ANKRD22: variants seen among roughly 807,000 people sequenced by gnomAD.
ANKRD22 encodes ankyrin repeat domain 22, also known as ankyrin repeat domain-containing protein 22.
In ANKRD22, 24 loss-of-function variants were observed where a neutral mutation model predicts 25.7. That is an observed-to-expected ratio of 0.93 (90% CI 0.68 to 1.31). ANKRD22 has a LOEUF of 1.31. ANKRD22 is among the 50% of genes most tolerant of loss of function. The pLI is 0.00. For missense variants in ANKRD22, 214 were observed against 227.1 expected, an observed-to-expected ratio of 0.94 and a Z score of 0.37; for synonymous variants, 84 against 84.3, an observed-to-expected ratio of 1.00 and a Z score of 0.02.
chr10:88,819,915 A>G lies in ANKRD22; in HGVS notation c.*3026T>C, dbSNP rs1756775. Among the ~76,000 whole-genome samples the G allele has an allele frequency of 0.098, 14,862 of 152,276 alleles. 820 individuals carry two copies. Among genetic ancestry groups the G allele is most frequent in the Non-Finnish European group, 0.12 (8,288 of 68,004 alleles). The stretch of plus-strand genomic sequence containing the variant: ...GGGGCATTATTTTTAAAAACAATTT[A>G]TTTACAAAATATTTAATAGGAAGAA... On this transcript the variant is annotated 3_prime_UTR_variant, in exon 6 of 6. Transcript: ENST00000371930.
At chr10:88,844,580 A>G (rs1055974552) in intron 1 of ANKRD22, among the ~76,000 whole-genome samples, 4 of 152,096 alleles carry the variant, frequency 2.6e-5, no homozygotes, top group Non-Finnish European at 5.9e-5. Context: ...CTGTTTCTAT[A>G]ACATAAGTAA....
At chr10:88,841,513 C>G (rs1191743214) in intron 1 of ANKRD22, among the ~76,000 whole-genome samples, 1 of 152,162 alleles carries the variant, frequency 6.6e-6, no homozygotes, top group African/African-American at 2.4e-5. Flanking sequence ...CTTTCACAAA[C>G]CAGTTCAAGC....
chr10:88,822,914 G>T lies in ANKRD22; in HGVS notation c.*27C>A. ...TAGAATCCAGTCGTTAACTTTTTCT[G>T]TATCTCCATCGGTGTGGTCACAAGG... On this transcript the variant is annotated 3_prime_UTR_variant, in exon 6 of 6. Transcript: ENST00000371930. 4 of 1,566,314 alleles carry T rather than the reference G, an allele frequency of 2.6e-6. No homozygotes were observed. The highest frequency in any genetic ancestry group is 3.5e-6 in the Non-Finnish European group (4 of 1,140,746).
At chr10:88,848,074 T>C (rs974444896) in intron 1 of ANKRD22, among the ~76,000 whole-genome samples, 2 of 151,588 alleles carry the variant, frequency 1.3e-5, no homozygotes, top group South Asian at 2.1e-4. Flanking sequence ...TTGTTTCATG[T>C]TTGTGCTCAA....
At chr10:88,837,840 C>A (rs2133077410) in intron 1 of ANKRD22, among the ~76,000 whole-genome samples, 1 of 152,340 alleles carries the variant, frequency 6.6e-6, no homozygotes, top group Admixed American at 6.5e-5. Context: ...AGTTCCCCTA[C>A]ACAAGCTCTC....
rs148418336 is a variant in ANKRD22, at chr10:88,826,082, G to A, written c.355C>T (p.Arg119Ter). The A allele has an allele frequency of 7.8e-5, 126 of 1,612,888 alleles. 6 individuals are homozygous for A. In the South Asian group the frequency reaches 9.3e-4, roughly 12 times the overall value. ...TCGACGCCAGCATCAAGTAGCATTC[G>A]TACAAGAGCCTCATTCTGCTTTGTC... ...SKTKQNEALV[R>*]MLLDAGVEVN... The change falls in exon 4 of 6, where the codon CGA becomes TGA. Residue 119 changes from arginine (R) to a stop codon, truncating the protein, a stop_gained. Transcript: ENST00000371930. LOFTEE classifies it high-confidence loss of function.
Position 88,820,231 on chromosome 10 carries a change from G to A in ANKRD22, c.*2710C>T. 6.5e-7 allele frequency: 1 copy of A among 1,547,884 alleles called. No individual in the cohort carries two copies. Among genetic ancestry groups the A allele is most frequent in the Non-Finnish European group, 8.7e-7 (1 of 1,145,684 alleles). On this transcript the variant is annotated 3_prime_UTR_variant, in exon 6 of 6. Transcript: ENST00000371930. Reference sequence around the variant, plus strand: ...AGTTAAGAACTATTCCTTTTCTCTAGCCAACTCCTGTAAGGTACAGAGTCA... The same window carrying A: ...AGTTAAGAACTATTCCTTTTCTCTAACCAACTCCTGTAAGGTACAGAGTCA...
rs1843854214 is a variant in ANKRD22 at position 88,826,125 on chromosome 10, A to G, written c.322-10T>C. 6.3e-7 allele frequency: 1 copy of G among 1,594,150 alleles called. No individual in the cohort carries two copies. The highest frequency in any genetic ancestry group is 8.6e-7 in the Non-Finnish European group (1 of 1,166,364). On this transcript the variant is annotated splice_polypyrimidine_tract_variant and intron_variant, in intron 3 of 5. Coordinates refer to ENST00000371930, the MANE Select transcript of ANKRD22 (RefSeq NM_144590.3). The stretch of plus-strand genomic sequence containing the variant: ...GCTTTGTCTTTGATACCTATTACAA[A>G]TGGTAATTATAAGAAAGGCTTATTT...
At chr10:88,830,805 A>G (rs1345109506) in intron 2 of ANKRD22, among the ~76,000 whole-genome samples, 1 of 152,138 alleles carries the variant, frequency 6.6e-6, no homozygotes, top group Non-Finnish European at 1.5e-5. Context: ...GAGCGCAGGA[A>G]CCCACAGACA....
chr10:88,833,616 G>T lies in ANKRD22; in HGVS notation c.22-1590C>A, dbSNP rs896676935. On this transcript the variant is annotated intron_variant, in intron 1 of 5. Transcript: ENST00000371930. ...CCAAATATCACAATAAGTGAACTATGTTATACTCTTAAACCTAAAGGCCTA... is the reference window on the plus strand; with the variant it reads ...CCAAATATCACAATAAGTGAACTATTTTATACTCTTAAACCTAAAGGCCTA... 3.9e-5 allele frequency among the ~76,000 whole-genome samples: 6 copies of T among 152,246 alleles called. No homozygotes were observed. In the East Asian group the frequency reaches 1.2e-3, roughly 29 times the overall value.
chr10:88,831,890 ACATGC>A lies in ANKRD22; in HGVS notation c.153_157del (p.His52GlufsTer12), dbSNP rs1360897503. The A allele has an allele frequency of 5.6e-6, 9 of 1,612,816 alleles. No individual in the cohort carries two copies. In the African/African-American group the frequency reaches 1.2e-4, roughly 22 times the overall value. On this transcript the variant is annotated frameshift_variant, in exon 2 of 6. Coordinates refer to ENST00000371930, the MANE Select transcript of ANKRD22 (RefSeq NM_144590.3). LOFTEE classifies it high-confidence loss of function. ...TCTTAAAAGGAAGGAAACGATTCTC[ACATGC>A]CCTCGCCTGCAAGCACAGATCAGGG...
chr10:88,830,989 A>G (rs10736363), intron 2 of ANKRD22, among the ~76,000 whole-genome samples: 80,076 of 152,080 alleles, frequency 0.53, 21,812 homozygotes, highest in East Asian at 0.72. Flanking sequence ...AAAAAAGTCC[A>G]GTAATGATCA....
chr10:88,822,544 C>CTGCTTTTTT lies in ANKRD22; in HGVS notation c.*396_*397insAAAAAAGCA, dbSNP rs1554832256. 8.2e-5 allele frequency: 3 copies of CTGCTTTTTT among 36,438 alleles called. No individual in the cohort carries two copies. Among genetic ancestry groups the CTGCTTTTTT allele is most frequent in the Non-Finnish European group, 1.8e-4 (3 of 17,014 alleles). The allele number at this position is 36,438 out of a possible 1,614,324, so 2.3% of individuals were successfully genotyped here. A position where few individuals can be genotyped will look rare whatever the true frequency, so the allele number is the denominator to read the frequency against. On this transcript the variant is annotated 3_prime_UTR_variant, in exon 6 of 6. Coordinates refer to ENST00000371930, the MANE Select transcript of ANKRD22 (RefSeq NM_144590.3). ...AAAGACTGAGTTTGGAACACCAGGG[C>CTGCTTTTTT]TTTTTTTTTTTTTTTTTTTTTTGAG... is the stretch of plus-strand genomic sequence containing the variant.
chr10:88,843,118 T>A (rs1360532428), intron 1 of ANKRD22, among the ~76,000 whole-genome samples: 1 of 152,132 alleles, frequency 6.6e-6, no homozygotes, highest in Non-Finnish European at 1.5e-5. Flanking sequence ...TGACCTCATC[T>A]TCATTTACTT....
In ANKRD22 at chr10:88,851,793, A is replaced by G. The variant is rs528922935; in HGVS notation, c.-186T>C. The G allele has an allele frequency of 3.3e-3, 2,080 of 626,464 alleles. 11 individuals are homozygous for G. The highest frequency in any genetic ancestry group is 4.9e-3 in the Non-Finnish European group (1,692 of 348,714). The allele number at this position is 626,464 out of a possible 1,614,324, so 38.8% of individuals were successfully genotyped here. On this transcript the variant is annotated 5_prime_UTR_variant, in exon 1 of 6. Coordinates refer to ENST00000371930, the MANE Select transcript of ANKRD22 (RefSeq NM_144590.3). ...CTTTTCCAGCAGCTCAGGCAGCAGC[A>G]CACCTTCCAGAGAGCCCAGCCCAAT...
At chr10:88,823,690 C>T (rs1467598366) in intron 4 of ANKRD22, among the ~76,000 whole-genome samples, 3 of 151,822 alleles carry the variant, frequency 2.0e-5, no homozygotes, top group East Asian at 3.9e-4. Context: ...TAGCCGGGCG[C>T]GGTGGCGGGT....
At position 88,822,433 on chromosome 10, in the gene ANKRD22, T is replaced by C. The variant is rs577491062; in HGVS notation, c.*508A>G. On this transcript the variant is annotated 3_prime_UTR_variant, in exon 6 of 6. Coordinates refer to ENST00000371930, the MANE Select transcript of ANKRD22 (RefSeq NM_144590.3). Reference sequence around the variant, plus strand: ...ACAGTTTGTCTCCTAGGGCATGACATAGACTGGACAGTCTTTTTATAAGAG... The same window carrying C: ...ACAGTTTGTCTCCTAGGGCATGACACAGACTGGACAGTCTTTTTATAAGAG... 1.3e-5 allele frequency: 2 copies of C among 152,560 alleles called. No homozygotes were observed. The highest frequency in any genetic ancestry group is 3.9e-4 in the East Asian group (2 of 5,174). The allele number at this position is 152,560 out of a possible 1,614,324, so 9.5% of individuals were successfully genotyped here. A position where few individuals can be genotyped will look rare whatever the true frequency, so the allele number is the denominator to read the frequency against.
chr10:88,847,570 C>T (rs1484350444), intron 1 of ANKRD22, among the ~76,000 whole-genome samples: 2 of 152,050 alleles, frequency 1.3e-5, no homozygotes, highest in African/African-American at 4.8e-5. Context: ...CAACACCATA[C>T]TCTTCTATCA....
chr10:88,826,774 G>C (rs540641677), intron 3 of ANKRD22, among the ~76,000 whole-genome samples: 3 of 151,924 alleles, frequency 2.0e-5, no homozygotes, highest in Admixed American at 2.0e-4. Flanking sequence ...AACACCAGTC[G>C]CCTTTCTGTA....
Sources: allele counts gnomAD v4.1 joint callset (sites outside exome capture counted in the v4.1 genomes callset), GRCh38; gene constraint gnomAD v4.1.1; transcripts MANE v1.5; gene names NCBI Gene and HGNC (gene_info 2026-07-23, HGNC 2026-07-21).